The following KCNH1 variants were observed in gnomAD, a reference collection of about 807,000 sequenced individuals.
KCNH1 encodes potassium voltage-gated channel subfamily H member 1.
In KCNH1, 27 loss-of-function variants were observed where a neutral mutation model predicts 69.2. The ratio of observed to expected loss-of-function variants is 0.39; its 90% CI spans 0.29 to 0.54. The LOEUF (loss-of-function observed/expected upper bound fraction) is 0.54. Ranked by LOEUF, KCNH1 falls within the 20% of genes least tolerant of loss-of-function variation. The probability of loss-of-function intolerance (pLI) is 0.68; values close to 1 mark genes in which losing one functional copy is unlikely to be tolerated. For synonymous variants in KCNH1, 456 were observed against 487.7 expected (o/e 0.93, Z 0.86); for missense variants, 798 against 1,261.6 (o/e 0.63, Z 5.57).
Position 210,948,837 on chromosome 1 carries a change from GA to G in KCNH1, c.1033-28769del, listed in dbSNP as rs770643532. Among the ~76,000 whole-genome samples, 875 of 125,626 alleles carry G rather than the reference GA, an allele frequency of 7.0e-3. 7 individuals are homozygous for G. The highest frequency in any genetic ancestry group is 0.021 in the African/African-American group (737 of 34,372). The allele number at this position is 125,626 out of a possible 152,430, so 82.4% of individuals were successfully genotyped here. ...AGCAAGACTCCATCTCAAAAAAAAG[GA>G]AAAAAAAAAAAAGAAAAAAATATCC... On this transcript the variant is annotated intron_variant, in intron 6 of 10. Coordinates refer to ENST00000271751, the MANE Select transcript of KCNH1 (RefSeq NM_172362.3).
chr1:210,772,891 C>T (rs955451211), intron 10 of KCNH1, among the ~76,000 whole-genome samples: 2 of 152,116 alleles, frequency 1.3e-5, no homozygotes, highest in Non-Finnish European at 2.9e-5. Flanking sequence ...GTAGCCCCTG[C>T]GTCTTCTCTT....
At chr1:210,992,770 A>G (rs1329220654) in intron 6 of KCNH1, among the ~76,000 whole-genome samples, 1 of 152,234 alleles carries the variant, frequency 6.6e-6, no homozygotes, top group African/African-American at 2.4e-5. Flanking sequence ...AACTTAAAAA[A>G]GAAGTCTCCT....
intron 4 of KCNH1, among the ~76,000 whole-genome samples, chr1:211,087,602 A>G (rs1054057415): frequency 8.8e-5 from 12 of 136,124 alleles, no homozygotes; most frequent in African/African-American, 3.3e-4. Flanking sequence ...TCAGCCTTTA[A>G]GCATACACAC....
chr1:210,691,672 A>G (rs1308593726), intron 10 of KCNH1, among the ~76,000 whole-genome samples: 1 of 152,206 alleles, frequency 6.6e-6, no homozygotes, highest in Non-Finnish European at 1.5e-5. Context: ...AGCACTAGGA[A>G]GTAGAATATC....
At chr1:211,022,909 T>C (rs11119662) in intron 5 of KCNH1, among the ~76,000 whole-genome samples, 78,061 of 151,510 alleles carry the variant, frequency 0.52, 20,631 homozygotes, top group African/African-American at 0.62. Context: ...GTCAGGAGTT[T>C]GAGACCAGCC....
chr1:210,729,747 T>A (rs1468621073), intron 10 of KCNH1, among the ~76,000 whole-genome samples: 1 of 151,958 alleles, frequency 6.6e-6, no homozygotes, highest in Non-Finnish European at 1.5e-5. Context: ...AGGAAACTGA[T>A]AAAACCTTTC....
intron 6 of KCNH1, among the ~76,000 whole-genome samples, chr1:210,999,344 C>G (rs1689121857): frequency 6.6e-6 from 1 of 152,112 alleles, no homozygotes; most frequent in South Asian, 2.1e-4. Flanking sequence ...CACCACCGAT[C>G]CCACAGAAAT....
chr1:210,735,126 C>G (rs1404634348), intron 10 of KCNH1, among the ~76,000 whole-genome samples: 3 of 152,150 alleles, frequency 2.0e-5, no homozygotes, highest in East Asian at 1.9e-4. Context: ...GCTGACTGCT[C>G]TGGCTGGAAT....
chr1:210,883,032 T>C (rs1446060830), intron 7 of KCNH1, among the ~76,000 whole-genome samples: 1 of 152,166 alleles, frequency 6.6e-6, no homozygotes, highest in Non-Finnish European at 1.5e-5. Flanking sequence ...GTGGTTATAA[T>C]GAATAAATCC....
At chr1:211,116,448 C>T (rs1386186494) in intron 1 of KCNH1, among the ~76,000 whole-genome samples, 1 of 152,172 alleles carries the variant, frequency 6.6e-6, no homozygotes, top group Non-Finnish European at 1.5e-5. Context: ...TTTCAAAGCT[C>T]TATTTTGATA....
At chr1:210,764,160 A>G (rs1384619432) in intron 10 of KCNH1, among the ~76,000 whole-genome samples, 2 of 152,202 alleles carry the variant, frequency 1.3e-5, no homozygotes, top group Admixed American at 1.3e-4. Context: ...AAAATTGGCT[A>G]ACTATATGCA....
At chr1:210,749,553 C>T (rs1023953191) in intron 10 of KCNH1, among the ~76,000 whole-genome samples, 1 of 152,120 alleles carries the variant, frequency 6.6e-6, no homozygotes, top group African/African-American at 2.4e-5. Flanking sequence ...TGACCCCTCT[C>T]CTGACCTACT....
chr1:210,888,638 A>T (rs187380069), intron 7 of KCNH1, among the ~76,000 whole-genome samples: 3 of 152,312 alleles, frequency 2.0e-5, no homozygotes, highest in African/African-American at 7.2e-5. Flanking sequence ...TTTTGAAAAG[A>T]TTAACAAAAT....
At chr1:211,028,782 A>G (rs1689730381) in intron 5 of KCNH1, among the ~76,000 whole-genome samples, 1 of 152,246 alleles carries the variant, frequency 6.6e-6, no homozygotes, top group African/African-American at 2.4e-5. Context: ...TAAAACTCCC[A>G]GAAAAAATCC....
chr1:211,098,394 T>C (rs1051457584), intron 3 of KCNH1, among the ~76,000 whole-genome samples: 14 of 151,078 alleles, frequency 9.3e-5, no homozygotes, highest in Non-Finnish European at 8.8e-5. Context: ...ATACGAAATA[T>C]ACAGCACTCC....
chr1:210,996,587 T>C (rs1050015026), intron 6 of KCNH1, among the ~76,000 whole-genome samples: 2 of 152,202 alleles, frequency 1.3e-5, no homozygotes, highest in Non-Finnish European at 2.9e-5. Flanking sequence ...AAGACAGCAG[T>C]AACCTCTGCA....
intron 1 of KCNH1, among the ~76,000 whole-genome samples, chr1:211,113,957 C>CTCTG (rs1339245987): frequency 4.8e-5 from 6 of 126,286 alleles, no homozygotes; most frequent in South Asian, 5.2e-4. Context: ...CTCTCTGTCT[C>CTCTG]TCTCTCTCTC....
chr1:210,683,966 T>C lies in KCNH1; in HGVS notation c.2285A>G (p.Asp762Gly). The change falls in exon 11 of 11, where the codon GAT becomes GGT. Residue 762 changes from aspartate to glycine, a missense_variant. Coordinates refer to ENST00000271751, the MANE Select transcript of KCNH1 (RefSeq NM_172362.3). The surrounding 1 kb of genome is among the most constrained non-coding windows in gnomAD (Gnocchi z 5.7). ...LAAERGGRDL[D>G]DLDVEKGNVL... ...ATTGCCCTTCTCCACATCTAGGTCA[T>C]CCAGGTCCCGGCCCCCTCTCTCAGC... is the stretch of plus-strand genomic sequence containing the variant. The C allele has an allele frequency of 6.2e-7, 1 of 1,602,762 alleles. No homozygotes were observed. Among genetic ancestry groups the C allele is most frequent in the Non-Finnish European group, 8.5e-7 (1 of 1,171,050 alleles).
At chr1:211,057,654 A>G (rs1408717063) in intron 5 of KCNH1, among the ~76,000 whole-genome samples, 1 of 152,058 alleles carries the variant, frequency 6.6e-6, no homozygotes, top group African/African-American at 2.4e-5. Context: ...AATGAGAAAA[A>G]GAAAGAAGAA....
Sources: gnomAD v4.1 joint callset for allele counts (sites outside exome capture counted in the v4.1 genomes callset) on GRCh38, gnomAD v4.1.1 for gene constraint, Gnocchi (gnomAD v3.1) non-coding constraint, MANE v1.5 for transcripts, NCBI Gene and HGNC (gene_info 2026-07-23, HGNC 2026-07-21) for gene names.